Variants in IGF1R observed in about 807,000 individuals in gnomAD.
The protein encoded by IGF1R is insulin-like growth factor 1 receptor.
IGF1R carries 44 observed loss-of-function variants against 144.6 expected under a neutral mutation model. The observed-to-expected ratio is 0.30, with a 90% CI of 0.24 to 0.39. IGF1R has a LOEUF of 0.39. Ranked by LOEUF, IGF1R falls within the 10% of genes least tolerant of loss-of-function variation. IGF1R has a pLI of 1.00. For missense variants in IGF1R, 1,355 were observed against 1,833.7 expected (o/e 0.74, Z 4.77); for synonymous variants, 795 against 722.8 (o/e 1.10, Z -1.60).
chr15:98,688,414 C>CTGTGTGTGTGTG (rs10528336), intron 1 of IGF1R, among the ~76,000 whole-genome samples: 56 of 143,616 alleles, frequency 3.9e-4, no homozygotes, highest in East Asian at 1.5e-3. Flanking sequence ...CAACACACAC[C>CTGTGTGTGTGTG]TGTGTGTGTG....
At chr15:98,709,939 C>T (rs2053953730) in intron 2 of IGF1R, among the ~76,000 whole-genome samples, 1 of 152,128 alleles carries the variant, frequency 6.6e-6, no homozygotes, top group South Asian at 2.1e-4. Flanking sequence ...TTGAAGACCC[C>T]TGGGGTAGGG....
chr15:98,790,471 A>C (rs1176827094), intron 2 of IGF1R, among the ~76,000 whole-genome samples: 1 of 152,180 alleles, frequency 6.6e-6, no homozygotes, highest in Non-Finnish European at 1.5e-5. Context: ...TTGCACTTGC[A>C]AAGGTCCTGT....
chr15:98,915,698 G>A (rs1222748473), intron 8 of IGF1R, among the ~76,000 whole-genome samples: 3 of 152,168 alleles, frequency 2.0e-5, no homozygotes, highest in Admixed American at 6.5e-5. Flanking sequence ...CCCTGCTTGT[G>A]CCCCCGCAGC....
At chr15:98,862,436 T>C (rs1209288373) in intron 2 of IGF1R, among the ~76,000 whole-genome samples, 1 of 152,200 alleles carries the variant, frequency 6.6e-6, no homozygotes, top group Non-Finnish European at 1.5e-5. Context: ...CTAGGCAATA[T>C]GTCAGAATGG....
chr15:98,699,352 C>T (rs1223232764), intron 1 of IGF1R, among the ~76,000 whole-genome samples: 1 of 152,186 alleles, frequency 6.6e-6, no homozygotes, highest in Non-Finnish European at 1.5e-5. Context: ...CTCCTGGTGT[C>T]CTGCTTCATC....
At chr15:98,949,417 C>T (rs1227372458) in intron 20 of IGF1R, among the ~76,000 whole-genome samples, 7 of 142,352 alleles carry the variant, frequency 4.9e-5, no homozygotes, top group Admixed American at 1.5e-4. Flanking sequence ...CTCGCTCTGT[C>T]GCCCAGGCTG....
intron 2 of IGF1R, among the ~76,000 whole-genome samples, chr15:98,873,309 AT>A (rs1170952837): frequency 6.6e-6 from 1 of 152,152 alleles, no homozygotes; most frequent in African/African-American, 2.4e-5. Flanking sequence ...TAAGTTTAGG[AT>A]CAGCTTCAAG....
Position 98,962,131 on chromosome 15 carries a change from G to C in IGF1R, c.*4689G>C, listed in dbSNP as rs571122612. 4.3e-6 allele frequency: 1 copy of C among 233,296 alleles called. No individual in the cohort carries two copies. The highest frequency in any genetic ancestry group is 6.0e-5 in the East Asian group (1 of 16,584). 14.5% of individuals were successfully genotyped at this position (233,296 alleles called of 1,614,324 possible). ...TCTGTGGCAAGATCACACTGAGATC[G>C]ATGGGTGAGAAGGCTAGGATGCTTG... On this transcript the variant is annotated 3_prime_UTR_variant, in exon 21 of 21. Transcript: ENST00000650285.
chr15:98,827,619 A>G (rs770235319), intron 2 of IGF1R, among the ~76,000 whole-genome samples: 9 of 152,198 alleles, frequency 5.9e-5, no homozygotes, highest in East Asian at 3.9e-4. Flanking sequence ...TTAAACTGCT[A>G]GTTAACAATC....
At chr15:98,821,288 C>G (rs932242305) in intron 2 of IGF1R, among the ~76,000 whole-genome samples, 1 of 151,960 alleles carries the variant, frequency 6.6e-6, no homozygotes, top group Non-Finnish European at 1.5e-5. Flanking sequence ...ACGCCTCCCC[C>G]CCCCCTTTTT....
At chr15:98,926,190 CATG>C (rs2015711013) in intron 13 of IGF1R, among the ~76,000 whole-genome samples, 3 of 152,188 alleles carry the variant, frequency 2.0e-5, no homozygotes, top group Admixed American at 1.3e-4. Context: ...ACCTGGAGGA[CATG>C]ATGTTAAGTT....
intron 2 of IGF1R, among the ~76,000 whole-genome samples, chr15:98,816,096 C>T (rs1020248870): frequency 6.6e-5 from 10 of 152,186 alleles, no homozygotes; most frequent in African/African-American, 1.9e-4. Flanking sequence ...ACCCTACTTT[C>T]CCAGTCTTGC....
chr15:98,734,549 C>G (rs1355327959), intron 2 of IGF1R, among the ~76,000 whole-genome samples: 1 of 152,206 alleles, frequency 6.6e-6, no homozygotes, highest in South Asian at 2.1e-4. Flanking sequence ...GACCCCGAAC[C>G]TGTGTCACTT....
intron 2 of IGF1R, among the ~76,000 whole-genome samples, chr15:98,712,537 C>G (rs557694168): frequency 1.3e-5 from 2 of 152,060 alleles, no homozygotes; most frequent in African/African-American, 2.4e-5. Flanking sequence ...CTCCCCCTTA[C>G]AGCAGTGACA....
chr15:98,723,504 C>T (rs2054290673), intron 2 of IGF1R, among the ~76,000 whole-genome samples: 1 of 152,116 alleles, frequency 6.6e-6, no homozygotes, highest in African/African-American at 2.4e-5. Context: ...GCTCCTGGTA[C>T]TTAATGCAAA....
chr15:98,684,577 T>C (rs985530897), intron 1 of IGF1R, among the ~76,000 whole-genome samples: 1 of 152,126 alleles, frequency 6.6e-6, no homozygotes, highest in Non-Finnish European at 1.5e-5. Context: ...TCAGTGAAGA[T>C]CTTTTATGGC....
chr15:98,904,671 A>G (rs2014646806), intron 5 of IGF1R, among the ~76,000 whole-genome samples: 1 of 152,218 alleles, frequency 6.6e-6, no homozygotes, highest in South Asian at 2.1e-4. Context: ...GATGCCCCCT[A>G]GAGACAGCCG....
chr15:98,687,215 C>T (rs1341895489), intron 1 of IGF1R, among the ~76,000 whole-genome samples: 1 of 152,170 alleles, frequency 6.6e-6, no homozygotes, highest in African/African-American at 2.4e-5. Flanking sequence ...GTTCCAGCTG[C>T]GCATGGGATC....
chr15:98,889,825 A>G (rs115706261), intron 2 of IGF1R, among the ~76,000 whole-genome samples: 1,967 of 152,328 alleles, frequency 0.013, 35 homozygotes, highest in African/African-American at 0.045. Flanking sequence ...AAATTCTAGA[A>G]TCTCCACTCA....
Sources: gnomAD v4.1 joint callset for allele counts (sites outside exome capture counted in the v4.1 genomes callset) on GRCh38, gnomAD v4.1.1 for gene constraint, MANE v1.5 for transcripts, NCBI Gene and HGNC (gene_info 2026-07-23, HGNC 2026-07-21) for gene names.